The following EFCAB11 variants were observed in gnomAD, a reference collection of about 807,000 sequenced individuals.
EFCAB11 encodes EF-hand calcium binding domain 11.
EFCAB11 carries 14 observed loss-of-function variants against 23.0 expected under a neutral mutation model. That is an observed-to-expected ratio of 0.61 (90% CI 0.40 to 0.95). EFCAB11 has a LOEUF of 0.95. Among genes scored for constraint, EFCAB11 ranks in the 40% least tolerant of loss-of-function variants. EFCAB11 has a pLI of 0.00. For synonymous variants in EFCAB11, 65 were observed against 66.6 expected, an observed-to-expected ratio of 0.98 and a Z score of 0.11; for missense variants, 198 against 195.8, an observed-to-expected ratio of 1.01 and a Z score of -0.07.
chr14:89,824,739 C>G (rs914144400), intron 5 of EFCAB11, among the ~76,000 whole-genome samples: 1 of 151,726 alleles, frequency 6.6e-6, no homozygotes, highest in Non-Finnish European at 1.5e-5. Flanking sequence ...TACTGCTGAA[C>G]AAAAAATACT....
At chr14:89,823,969 T>C (rs1886608195) in intron 5 of EFCAB11, among the ~76,000 whole-genome samples, 1 of 152,094 alleles carries the variant, frequency 6.6e-6, no homozygotes, top group Non-Finnish European at 1.5e-5. Context: ...GTCTAACATA[T>C]GCATAATTGG....
At chr14:89,804,379 T>C (rs956000797) in intron 5 of EFCAB11, among the ~76,000 whole-genome samples, 13 of 152,246 alleles carry the variant, frequency 8.5e-5, no homozygotes, top group African/African-American at 3.1e-4. Flanking sequence ...CACAGGACTG[T>C]TGTGAAGACT....
chr14:89,928,908 T>A, intron 5 of EFCAB11, among the ~76,000 whole-genome samples: 1 of 147,586 alleles, frequency 6.8e-6, no homozygotes, highest in East Asian at 1.9e-4. Context: ...ATTTATATAA[T>A]TCCAATCATA....
rs1468431905 is a variant in EFCAB11, at chr14:89,932,612, C to G, written c.233G>C (p.Gly78Ala). 6.2e-7 allele frequency: 1 copy of G among 1,613,258 alleles called. No individual in the cohort carries two copies. Among genetic ancestry groups the G allele is most frequent in the African/African-American group, 1.3e-5 (1 of 74,840 alleles). The change falls in exon 4 of 6, where the codon GGG becomes GCG. Residue 78 changes from glycine to alanine, a missense_variant. Physicochemically the swap from Gly to Ala is moderately conservative, Grantham distance 60. Transcript: ENST00000316738. The part of the protein sequence containing the change: ...NPNTSGILLE[G>A]FLNIVRKKKE... The stretch of plus-strand genomic sequence containing the variant: ...CTTTTTCCTGACAATATTTAAAAAC[C>G]CCTCGAGTAATATACCTAAAAGTTG...
chr14:89,903,272 C>T (rs1046768310), intron 5 of EFCAB11, among the ~76,000 whole-genome samples: 1 of 152,192 alleles, frequency 6.6e-6, no homozygotes, highest in Non-Finnish European at 1.5e-5. Flanking sequence ...TTTAAACCTC[C>T]TCATTTTTCA....
rs967722999 is a variant in EFCAB11 at position 89,932,611 on chromosome 14, C to A, written c.234G>T (p.Gly78=). The change falls in exon 4 of 6, where the codon GGG becomes GGT. Residue 78 remains glycine (G), a synonymous_variant. Transcript: ENST00000316738. ...TCTTTTTCCTGACAATATTTAAAAACCCCTCGAGTAATATACCTAAAAGTT... is the reference window on the plus strand; with the variant it reads ...TCTTTTTCCTGACAATATTTAAAAAACCCTCGAGTAATATACCTAAAAGTT... ...NPNTSGILLE[G]FLNIVRKKKE... 11 of 1,613,362 alleles carry A rather than the reference C, an allele frequency of 6.8e-6. No individual in the cohort carries two copies. The highest frequency in any genetic ancestry group is 7.6e-6 in the Non-Finnish European group (9 of 1,179,748).
At chr14:89,934,712 T>A (rs1038668393) in intron 3 of EFCAB11, among the ~76,000 whole-genome samples, 2 of 152,200 alleles carry the variant, frequency 1.3e-5, no homozygotes, top group African/African-American at 4.8e-5. Context: ...ATTACCCTTG[T>A]GACAGAGAAC....
chr14:89,845,541 A>G (rs529249394), intron 5 of EFCAB11, among the ~76,000 whole-genome samples: 1 of 152,194 alleles, frequency 6.6e-6, no homozygotes, highest in East Asian at 1.9e-4. Context: ...TGACGTGTCT[A>G]TGTGAAACAA....
intron 5 of EFCAB11, among the ~76,000 whole-genome samples, chr14:89,905,956 G>A (rs141744347): frequency 5.7e-4 from 87 of 152,228 alleles, no homozygotes; most frequent in African/African-American, 2.0e-3. Context: ...CAAGGGATGA[G>A]GATGATGACT....
At chr14:89,855,470 C>T (rs1383888750) in intron 5 of EFCAB11, among the ~76,000 whole-genome samples, 1 of 152,064 alleles carries the variant, frequency 6.6e-6, no homozygotes, top group African/African-American at 2.4e-5. Context: ...AGTGACACTC[C>T]ATCTCAAACA....
At chr14:89,869,617 A>G (rs147225086) in intron 5 of EFCAB11, among the ~76,000 whole-genome samples, 1 of 152,386 alleles carries the variant, frequency 6.6e-6, no homozygotes, top group Non-Finnish European at 1.5e-5. Flanking sequence ...AGAGGCCACA[A>G]AAAGTGACTT....
chr14:89,834,403 A>AAAC (rs67216494), intron 5 of EFCAB11, among the ~76,000 whole-genome samples: 5,069 of 101,216 alleles, frequency 0.05, 922 homozygotes, highest in Non-Finnish European at 0.074. Flanking sequence ...AAAAAAAAAA[A>AAAC]CCTTTTTGTT....
At chr14:89,941,922 T>C (rs964633924) in intron 3 of EFCAB11, among the ~76,000 whole-genome samples, 4 of 152,072 alleles carry the variant, frequency 2.6e-5, no homozygotes, top group African/African-American at 9.7e-5. Context: ...AAATCTCATC[T>C]CGAATTGTAA....
intron 5 of EFCAB11, among the ~76,000 whole-genome samples, chr14:89,879,564 C>A (rs1180141291): frequency 6.6e-6 from 1 of 151,984 alleles, no homozygotes; most frequent in Non-Finnish European, 1.5e-5. Context: ...GAAAAACTCC[C>A]AAACACTTCA....
intron 5 of EFCAB11, among the ~76,000 whole-genome samples, chr14:89,807,460 G>A (rs552119078): frequency 6.6e-6 from 1 of 152,166 alleles, no homozygotes; most frequent in African/African-American, 2.4e-5. Flanking sequence ...CAAGAAAGCT[G>A]AGTATTAGTG....
intron 3 of EFCAB11, among the ~76,000 whole-genome samples, chr14:89,940,104 T>C (rs544497450): frequency 6.6e-6 from 1 of 152,366 alleles, no homozygotes; most frequent in African/African-American, 2.4e-5. Flanking sequence ...TCCCCATCTG[T>C]ATAGTGAAAC....
At chr14:89,855,494 T>C (rs1175702700) in intron 5 of EFCAB11, among the ~76,000 whole-genome samples, 1 of 152,082 alleles carries the variant, frequency 6.6e-6, no homozygotes, top group Non-Finnish European at 1.5e-5. Flanking sequence ...AATGAATACA[T>C]TGTATTGTGT....
At chr14:89,899,670 G>T (rs1451007834) in intron 5 of EFCAB11, among the ~76,000 whole-genome samples, 2 of 152,112 alleles carry the variant, frequency 1.3e-5, no homozygotes. Flanking sequence ...TTTTATGTGG[G>T]CCAATACATA....
chr14:89,800,353 G>A (rs940056351), intron 5 of EFCAB11, among the ~76,000 whole-genome samples: 3 of 152,176 alleles, frequency 2.0e-5, no homozygotes, highest in African/African-American at 7.2e-5. Flanking sequence ...GAGACAAGCT[G>A]TGGAAAATGA....
Sources: gnomAD v4.1 joint callset for allele counts (sites outside exome capture counted in the v4.1 genomes callset) on GRCh38, gnomAD v4.1.1 for gene constraint, MANE v1.5 for transcripts, NCBI Gene and HGNC (gene_info 2026-07-23, HGNC 2026-07-21) for gene names.